Variants in TRPS1 observed in about 807,000 individuals in gnomAD.
TRPS1 encodes zinc finger transcription factor Trps1.
In TRPS1, 6 loss-of-function variants were observed where a neutral mutation model predicts 101.2. That is an observed-to-expected ratio of 0.06 (90% CI 0.03 to 0.12). The LOEUF (loss-of-function observed/expected upper bound fraction) is 0.12. Among genes scored for constraint, TRPS1 ranks in the 10% least tolerant of loss-of-function variants. The probability of loss-of-function intolerance (pLI) is 1.00; values close to 1 mark genes in which losing one functional copy is unlikely to be tolerated. For synonymous variants in TRPS1, 578 were observed against 589.8 expected, an observed-to-expected ratio of 0.98 and a Z score of 0.29; for missense variants, 1,363 against 1,567.0, an observed-to-expected ratio of 0.87 and a Z score of 2.20.
At chr8:115,639,132 T>C (rs1461793360) in intron 1 of TRPS1, among the ~76,000 whole-genome samples, 1 of 152,184 alleles carries the variant, frequency 6.6e-6, no homozygotes, top group Non-Finnish European at 1.5e-5. Context: ...GGCATGATCA[T>C]GGCTCATTGC....
At chr8:115,416,726 A>T (rs1304967335) in intron 6 of TRPS1, among the ~76,000 whole-genome samples, 1 of 152,072 alleles carries the variant, frequency 6.6e-6, no homozygotes, top group Admixed American at 6.5e-5. Flanking sequence ...TGTTACAAAC[A>T]TACTTCCAAG....
chr8:115,577,596 T>C (rs1197068236), intron 5 of TRPS1, among the ~76,000 whole-genome samples: 1 of 152,148 alleles, frequency 6.6e-6, no homozygotes, highest in African/African-American at 2.4e-5. Flanking sequence ...AAACCCTGAC[T>C]TGACCATTAT....
At chr8:115,664,728 G>A (rs1811882789) in intron 1 of TRPS1, among the ~76,000 whole-genome samples, 1 of 152,098 alleles carries the variant, frequency 6.6e-6, no homozygotes, top group African/African-American at 2.4e-5. Context: ...TTATCAAATT[G>A]ATTGTAACTT....
chr8:115,526,222 T>A (rs566417196), intron 5 of TRPS1, among the ~76,000 whole-genome samples: 63 of 152,026 alleles, frequency 4.1e-4, no homozygotes, highest in African/African-American at 1.4e-3. Context: ...GGCAGGAGAA[T>A]CTCTTGAACC....
intron 5 of TRPS1, among the ~76,000 whole-genome samples, chr8:115,582,580 A>G (rs977497741): frequency 6.6e-6 from 1 of 152,154 alleles, no homozygotes; most frequent in Non-Finnish European, 1.5e-5. Context: ...TAAGCTGCAC[A>G]ACACTCCTGT....
At chr8:115,453,864 G>A (rs1033099659) in intron 5 of TRPS1, among the ~76,000 whole-genome samples, 5 of 152,178 alleles carry the variant, frequency 3.3e-5, no homozygotes, top group South Asian at 4.1e-4. Context: ...TCTTGCCCAC[G>A]GTGACACACT....
intron 5 of TRPS1, among the ~76,000 whole-genome samples, chr8:115,518,023 A>G (rs1399394823): frequency 1.3e-5 from 2 of 151,628 alleles, no homozygotes; most frequent in Non-Finnish European, 3.0e-5. Flanking sequence ...AACATCCACC[A>G]GTGTAGGACA....
At chr8:115,603,817 A>G in intron 4 of TRPS1, 56 bp downstream of exon 4, 1 of 1,598,426 alleles carries the variant, frequency 6.3e-7, no homozygotes, top group Non-Finnish European at 8.5e-7. Context: ...CTTTCTATGG[A>G]TTTTTTCTAT....
At chr8:115,416,765 C>A (rs1048868460) in intron 6 of TRPS1, among the ~76,000 whole-genome samples, 4 of 151,882 alleles carry the variant, frequency 2.6e-5, no homozygotes, top group Admixed American at 6.6e-5. Flanking sequence ...TTGTTATTGA[C>A]AATTCATTGT....
At chr8:115,481,425 C>A (rs1175107538) in intron 5 of TRPS1, among the ~76,000 whole-genome samples, 1 of 151,814 alleles carries the variant, frequency 6.6e-6, no homozygotes, top group African/African-American at 2.4e-5. Context: ...GCAACAAAAC[C>A]CATACAGAGT....
chr8:115,560,026 A>C (rs1816910970), intron 5 of TRPS1, among the ~76,000 whole-genome samples: 1 of 152,138 alleles, frequency 6.6e-6, no homozygotes, highest in South Asian at 2.1e-4. Flanking sequence ...CTTATACTTT[A>C]AGAGAATTTA....
At chr8:115,517,176 A>G (rs1416647599) in intron 5 of TRPS1, among the ~76,000 whole-genome samples, 1 of 151,642 alleles carries the variant, frequency 6.6e-6, no homozygotes, top group Non-Finnish European at 1.5e-5. Context: ...TCTTTCCATA[A>G]TCTTCAAAGT....
At chr8:115,440,304 G>C (rs1401004260) in intron 5 of TRPS1, among the ~76,000 whole-genome samples, 1 of 152,202 alleles carries the variant, frequency 6.6e-6, no homozygotes, top group Non-Finnish European at 1.5e-5. Context: ...GAAAATGTAA[G>C]GAGAGAGAGG....
chr8:115,560,155 T>C (rs1370579207), intron 5 of TRPS1, among the ~76,000 whole-genome samples: 1 of 152,110 alleles, frequency 6.6e-6, no homozygotes, highest in East Asian at 1.9e-4. Flanking sequence ...CCTTCATTTC[T>C]CAAATCATTT....
At chr8:115,656,663 G>A (rs1314334860) in intron 1 of TRPS1, among the ~76,000 whole-genome samples, 1 of 152,034 alleles carries the variant, frequency 6.6e-6, no homozygotes, top group African/African-American at 2.4e-5. Flanking sequence ...AAGTGAAAAT[G>A]ATTTATGAAA....
At chr8:115,530,988 G>A (rs977059517) in intron 5 of TRPS1, among the ~76,000 whole-genome samples, 9 of 152,092 alleles carry the variant, frequency 5.9e-5, no homozygotes, top group African/African-American at 2.2e-4. Flanking sequence ...TAAATGACGA[G>A]TTAATGGGTG....
At chr8:115,584,232 A>T (rs1436518740) in intron 5 of TRPS1, among the ~76,000 whole-genome samples, 1 of 151,984 alleles carries the variant, frequency 6.6e-6, no homozygotes, top group Non-Finnish European at 1.5e-5. Flanking sequence ...TCTGTATAGT[A>T]TTTTTAAATG....
At chr8:115,659,369 A>G (rs1811743916) in intron 1 of TRPS1, among the ~76,000 whole-genome samples, 1 of 151,804 alleles carries the variant, frequency 6.6e-6, no homozygotes, top group South Asian at 2.1e-4. Flanking sequence ...AGACAGCTTA[A>G]CATATTCCGT....
chr8:115,623,853 T>C lies in TRPS1; in HGVS notation c.-121-95A>G, dbSNP rs535185364. On this transcript the variant is annotated intron_variant, in intron 1 of 6. Transcript: ENST00000395715. ...AAAATATATTAATATGCTGGCATCA[T>C]AGGCTGCCTGAAAGATATAAAAGCA... The C allele has an allele frequency of 4.2e-3, 5,062 of 1,200,824 alleles. 11 individuals carry two copies. Among genetic ancestry groups the C allele is most frequent in the Non-Finnish European group, 5.0e-3 (4,608 of 924,978 alleles). 74.4% of individuals were successfully genotyped at this position (1,200,824 alleles called of 1,614,324 possible).
Sources: allele counts gnomAD v4.1 joint callset (sites outside exome capture counted in the v4.1 genomes callset), GRCh38; gene constraint gnomAD v4.1.1; transcripts MANE v1.5; gene names NCBI Gene and HGNC (gene_info 2026-07-23, HGNC 2026-07-21).